CSMD1: variants seen among roughly 807,000 people sequenced by gnomAD.
The protein encoded by CSMD1 is CUB and sushi domain-containing protein 1.
CSMD1 carries 213 observed loss-of-function variants against 417.5 expected under a neutral mutation model. The ratio of observed to expected loss-of-function variants is 0.51; its 90% CI spans 0.46 to 0.57. CSMD1 has a LOEUF of 0.57. Ranked by LOEUF, CSMD1 falls within the 20% of genes least tolerant of loss-of-function variation. The pLI, the probability that CSMD1 is intolerant of heterozygous loss-of-function variation, is 0.00. For missense variants in CSMD1, 6,923 were observed against 4,529.7 expected, an observed-to-expected ratio of 1.53 and a Z score of -15.17; for synonymous variants, 2,862 against 1,736.8, an observed-to-expected ratio of 1.65 and a Z score of -16.11.
intron 3 of CSMD1, among the ~76,000 whole-genome samples, chr8:4,049,592 T>G (rs1388777221): frequency 6.6e-6 from 1 of 152,126 alleles, no homozygotes; most frequent in South Asian, 2.1e-4. Flanking sequence ...GCTCTGTCTT[T>G]TTTATTTAGG....
chr8:3,346,623 C>A (rs1185914967), intron 22 of CSMD1, among the ~76,000 whole-genome samples: 1 of 152,162 alleles, frequency 6.6e-6, no homozygotes, highest in Non-Finnish European at 1.5e-5. Flanking sequence ...AAGTAAGGCC[C>A]TTTAATCTGT....
At chr8:4,303,008 G>A (rs13259084) in intron 3 of CSMD1, among the ~76,000 whole-genome samples, 112,196 of 152,072 alleles carry the variant, frequency 0.74, 41,579 homozygotes, top group East Asian at 0.85. Context: ...CAAAATCCAA[G>A]AAAATCAGGA....
intron 41 of CSMD1, among the ~76,000 whole-genome samples, chr8:3,133,729 C>T (rs1025198757): frequency 2.0e-5 from 3 of 152,170 alleles, no homozygotes; most frequent in Non-Finnish European, 2.9e-5. Context: ...CTCGCTGGCT[C>T]AGGACCTACA....
chr8:3,876,413 C>A (rs1275408874), intron 5 of CSMD1, among the ~76,000 whole-genome samples: 2 of 152,146 alleles, frequency 1.3e-5, no homozygotes, highest in Admixed American at 1.3e-4. Flanking sequence ...AAGAATTCTG[C>A]ACTTAGAAGC....
At chr8:3,924,268 G>T (rs1809483580) in intron 5 of CSMD1, among the ~76,000 whole-genome samples, 1 of 152,122 alleles carries the variant, frequency 6.6e-6, no homozygotes, top group South Asian at 2.1e-4. Flanking sequence ...TACCTTATAT[G>T]TTGTAAACTG....
chr8:3,711,510 G>C (rs1281349231), intron 6 of CSMD1, among the ~76,000 whole-genome samples: 1 of 152,202 alleles, frequency 6.6e-6, no homozygotes. Context: ...GGAACTCTCA[G>C]AGAGGGACTT....
At chr8:4,959,850 T>G (rs898630176) in intron 1 of CSMD1, among the ~76,000 whole-genome samples, 1 of 152,244 alleles carries the variant, frequency 6.6e-6, no homozygotes, top group African/African-American at 2.4e-5. Context: ...ACAGTCTCTG[T>G]GAAAACATCA....
chr8:3,102,249 A>T (rs1815808398), intron 46 of CSMD1, among the ~76,000 whole-genome samples: 1 of 152,314 alleles, frequency 6.6e-6, no homozygotes, highest in African/African-American at 2.4e-5. Context: ...TAATTAAGTG[A>T]TTCAGTGATT....
At chr8:3,460,643 T>C (rs1816441137) in intron 12 of CSMD1, among the ~76,000 whole-genome samples, 1 of 152,124 alleles carries the variant, frequency 6.6e-6, no homozygotes, top group Admixed American at 6.5e-5. Flanking sequence ...GAAGGATATT[T>C]ACTAGACGGA....
chr8:3,544,708 G>C (rs1221498127), intron 10 of CSMD1, among the ~76,000 whole-genome samples: 2 of 152,126 alleles, frequency 1.3e-5, no homozygotes, highest in African/African-American at 4.8e-5. Flanking sequence ...ACAGAAGCTT[G>C]ACTAGACGGG....
chr8:4,105,453 T>A (rs571288175), intron 3 of CSMD1, among the ~76,000 whole-genome samples: 74 of 152,332 alleles, frequency 4.9e-4, no homozygotes, highest in Middle Eastern at 3.4e-3. Context: ...AATGATGTAT[T>A]CATTCAGTAA....
At chr8:4,917,063 G>T (rs137952245) in intron 1 of CSMD1, among the ~76,000 whole-genome samples, 51 of 152,278 alleles carry the variant, frequency 3.3e-4, no homozygotes, top group Admixed American at 7.2e-4. Context: ...ATTGGCTCAG[G>T]TTCGGTAGAC....
intron 2 of CSMD1, among the ~76,000 whole-genome samples, chr8:4,598,718 G>T (rs940042543): frequency 3.3e-5 from 5 of 152,074 alleles, no homozygotes; most frequent in Non-Finnish European, 7.4e-5. Context: ...TGCCAGTGTG[G>T]GTACTGGTAC....
chr8:3,118,617 T>C (rs373372062), intron 41 of CSMD1, 30 bp from the exon 42 acceptor site: 53 of 1,596,650 alleles, frequency 3.3e-5, no homozygotes, highest in Non-Finnish European at 4.4e-5. Flanking sequence ...AAAATAAAGC[T>C]TATATTTGTG....
At chr8:4,221,219 A>G (rs1330352324) in intron 3 of CSMD1, among the ~76,000 whole-genome samples, 1 of 152,168 alleles carries the variant, frequency 6.6e-6, no homozygotes, top group African/African-American at 2.4e-5. Flanking sequence ...AATATTTCAA[A>G]TACAACATAT....
intron 3 of CSMD1, among the ~76,000 whole-genome samples, chr8:4,120,998 T>G (rs1017176801): frequency 2.0e-5 from 3 of 152,234 alleles, no homozygotes; most frequent in Non-Finnish European, 4.4e-5. Flanking sequence ...CATGAACCTT[T>G]TGATGGCTTG....
chr8:4,683,330 C>G (rs1345916077), intron 1 of CSMD1, among the ~76,000 whole-genome samples: 2 of 152,098 alleles, frequency 1.3e-5, no homozygotes, highest in Non-Finnish European at 2.9e-5. Flanking sequence ...GCATTTCCAA[C>G]TAGGTACACA....
chr8:3,534,364 G>C (rs1022278918), intron 10 of CSMD1, among the ~76,000 whole-genome samples: 1 of 151,870 alleles, frequency 6.6e-6, no homozygotes, highest in Non-Finnish European at 1.5e-5. Flanking sequence ...CTCTTTAAAT[G>C]CCGTGTTCAG....
chr8:4,932,654 T>C (rs961076848), intron 1 of CSMD1, among the ~76,000 whole-genome samples: 1 of 152,112 alleles, frequency 6.6e-6, no homozygotes, highest in African/African-American at 2.4e-5. Flanking sequence ...TCAGGACAAA[T>C]TGGTAAAGGC....
Sources: gnomAD v4.1 joint callset for allele counts (sites outside exome capture counted in the v4.1 genomes callset) on GRCh38, gnomAD v4.1.1 for gene constraint, MANE v1.5 for transcripts, NCBI Gene and HGNC (gene_info 2026-07-23, HGNC 2026-07-21) for gene names.